The following SND1 variants were observed in gnomAD, a reference collection of about 807,000 sequenced individuals.
The protein encoded by SND1 is staphylococcal nuclease domain-containing protein 1.
A neutral mutation model predicts 121.7 loss-of-function variants in SND1; 38 were observed. That is an observed-to-expected ratio of 0.31 (90% CI 0.24 to 0.41). The LOEUF is 0.41. SND1 is among the 10% of genes least tolerant of loss of function. SND1 has a pLI of 1.00. For missense variants in SND1, 868 were observed against 1,184.6 expected, an observed-to-expected ratio of 0.73 and a Z score of 3.92; for synonymous variants, 401 against 447.4, an observed-to-expected ratio of 0.90 and a Z score of 1.31.
At chr7:128,060,171 T>A (rs1223664589) in intron 16 of SND1, among the ~76,000 whole-genome samples, 1 of 152,198 alleles carries the variant, frequency 6.6e-6, no homozygotes, top group Non-Finnish European at 1.5e-5. Flanking sequence ...ACTCCTTTAC[T>A]GGTTGATGAA....
intron 10 of SND1, 106 bp from the exon 11 acceptor site, chr7:127,807,378 G>A (rs905573807): frequency 2.0e-5 from 16 of 789,256 alleles, no homozygotes; most frequent in Non-Finnish European, 3.0e-5. Flanking sequence ...TAATATTTGC[G>A]ATACTAAGAG....
At chr7:127,707,003 C>G (rs571577396) in intron 8 of SND1, among the ~76,000 whole-genome samples, 30 of 152,262 alleles carry the variant, frequency 2.0e-4, no homozygotes, top group African/African-American at 7.2e-4. Context: ...TAGTCTGGCT[C>G]AGAAAATATC....
chr7:127,966,093 A>G (rs1451927911), intron 15 of SND1, among the ~76,000 whole-genome samples: 5 of 144,624 alleles, frequency 3.5e-5, no homozygotes, highest in Admixed American at 7.0e-5. Flanking sequence ...CTGTGGGATC[A>G]GTGGTGATAT....
At chr7:128,038,599 T>C (rs1792794398) in intron 16 of SND1, among the ~76,000 whole-genome samples, 1 of 152,358 alleles carries the variant, frequency 6.6e-6, no homozygotes, top group East Asian at 1.9e-4. Flanking sequence ...ATACCTGCTC[T>C]TGTTATTGCA....
At chr7:128,069,293 G>C (rs1793368995) in intron 16 of SND1, among the ~76,000 whole-genome samples, 1 of 152,200 alleles carries the variant, frequency 6.6e-6, no homozygotes, top group Admixed American at 6.5e-5. Flanking sequence ...CAGCAAAGCA[G>C]GACAGCTGCT....
At chr7:128,030,151 A>G (rs1345038288) in intron 16 of SND1, 1 of 1,614,178 alleles carries the variant, frequency 6.2e-7, no homozygotes, top group Non-Finnish European at 8.5e-7. Context: ...AAGGCGTAAG[A>G]GGGGATGCTT....
At chr7:127,916,170 A>G (rs952494612) in intron 14 of SND1, among the ~76,000 whole-genome samples, 1 of 152,102 alleles carries the variant, frequency 6.6e-6, no homozygotes, top group African/African-American at 2.4e-5. Flanking sequence ...GAGAATTTGC[A>G]GTTCACCTGG....
At chr7:127,891,862 TA>T (rs1423964254) in intron 13 of SND1, among the ~76,000 whole-genome samples, 1 of 152,158 alleles carries the variant, frequency 6.6e-6, no homozygotes, top group Admixed American at 6.5e-5. Flanking sequence ...CAAAATTTCT[TA>T]AGGTACTGTA....
chr7:127,939,566 G>A (rs1186445862), intron 15 of SND1, among the ~76,000 whole-genome samples: 1 of 152,140 alleles, frequency 6.6e-6, no homozygotes, highest in Non-Finnish European at 1.5e-5. Flanking sequence ...GCTTATCTTG[G>A]TGTGATGCTG....
At chr7:127,671,190 T>G (rs1044574342) in intron 1 of SND1, among the ~76,000 whole-genome samples, 1 of 152,184 alleles carries the variant, frequency 6.6e-6, no homozygotes, top group Non-Finnish European at 1.5e-5. Flanking sequence ...ACAACAGCCT[T>G]TAGTATGTTT....
At chr7:127,764,820 T>C (rs1797383200) in intron 10 of SND1, among the ~76,000 whole-genome samples, 3 of 152,110 alleles carry the variant, frequency 2.0e-5, no homozygotes, top group African/African-American at 7.2e-5. Flanking sequence ...CCCTGGGAAA[T>C]GTCTTAGCTA....
intron 16 of SND1, among the ~76,000 whole-genome samples, chr7:127,992,804 GGAGT>G (rs1408095133): frequency 2.6e-5 from 4 of 152,146 alleles, no homozygotes; most frequent in African/African-American, 4.8e-5. Context: ...ATCACTAAAA[GGAGT>G]GAGTGGCCCA....
At chr7:127,959,459 T>C (rs1801676402) in intron 15 of SND1, among the ~76,000 whole-genome samples, 1 of 152,176 alleles carries the variant, frequency 6.6e-6, no homozygotes, top group African/African-American at 2.4e-5. Context: ...GTGTGGCCTG[T>C]CTTCCCTGTG....
Position 128,029,822 on chromosome 7 carries a change from C to T in SND1, c.1779+38766C>T. 6.2e-7 allele frequency: 1 copy of T among 1,613,576 alleles called. No homozygotes were observed. The highest frequency in any genetic ancestry group is 8.5e-7 in the Non-Finnish European group (1 of 1,180,006). On this transcript the variant is annotated intron_variant, in intron 16 of 23. Coordinates refer to ENST00000354725, the MANE Select transcript of SND1 (RefSeq NM_014390.4). This position sits in a 1 kb window ranked among gnomAD's most constrained non-coding sequence, Gnocchi z 4.2. ...GCAAAGAAGAGAGGTTATTGTGGGCCAAGTTGAGTTCCACAAGTGAAGCCA... is the reference window on the plus strand; with the variant it reads ...GCAAAGAAGAGAGGTTATTGTGGGCTAAGTTGAGTTCCACAAGTGAAGCCA...
chr7:127,661,135 C>T (rs1795302801), intron 1 of SND1, among the ~76,000 whole-genome samples: 1 of 152,146 alleles, frequency 6.6e-6, no homozygotes, highest in Non-Finnish European at 1.5e-5. Context: ...TGGTTTCTTT[C>T]TCTTCGCGTT....
At chr7:127,710,203 A>G (rs545749955) in intron 9 of SND1, among the ~76,000 whole-genome samples, 1 of 152,294 alleles carries the variant, frequency 6.6e-6, no homozygotes, top group East Asian at 1.9e-4. Context: ...GAACATAGCT[A>G]TATGTGTTCG....
chr7:127,907,083 C>T (rs1277299278), intron 14 of SND1, among the ~76,000 whole-genome samples: 1 of 152,138 alleles, frequency 6.6e-6, no homozygotes, highest in East Asian at 1.9e-4. Context: ...AAGAGTAAAG[C>T]TTGAGCAAGT....
intron 16 of SND1, 109 bp from the exon 17 acceptor site, chr7:128,074,393 G>A: frequency 1.7e-6 from 2 of 1,160,504 alleles, no homozygotes; most frequent in Non-Finnish European, 2.4e-6. Context: ...GGCAGCGGCT[G>A]CCAAGGCCTG....
At chr7:127,733,860 C>T (rs1207706586) in intron 10 of SND1, among the ~76,000 whole-genome samples, 1 of 152,116 alleles carries the variant, frequency 6.6e-6, no homozygotes, top group Non-Finnish European at 1.5e-5. Flanking sequence ...CAGGTGCATG[C>T]CCTGTTGACT....
Sources: allele counts gnomAD v4.1 joint callset (sites outside exome capture counted in the v4.1 genomes callset), GRCh38; gene constraint gnomAD v4.1.1; non-coding constraint Gnocchi (gnomAD v3.1); transcripts MANE v1.5; gene names NCBI Gene and HGNC (gene_info 2026-07-23, HGNC 2026-07-21).